The following GPHN variants were observed in gnomAD, a reference collection of about 807,000 sequenced individuals.
GPHN encodes the protein gephyrin.
In GPHN, 17 loss-of-function variants were observed where a neutral mutation model predicts 95.5. That is an observed-to-expected ratio of 0.18 (90% confidence interval 0.12 to 0.27). The LOEUF is 0.27. GPHN is among the 10% of genes least tolerant of loss of function. GPHN has a pLI of 1.00. For missense variants in GPHN, 660 were observed against 978.1 expected (o/e 0.67, Z 4.34); for synonymous variants, 320 against 322.5 (o/e 0.99, Z 0.08).
At chr14:66,784,433 A>G (rs886923485) in intron 3 of GPHN, among the ~76,000 whole-genome samples, 1 of 152,208 alleles carries the variant, frequency 6.6e-6, no homozygotes, top group African/African-American at 2.4e-5. Flanking sequence ...AGGGAAAGGA[A>G]GTAATAGAAA....
At chr14:67,442,185 G>A in the GPHN span, among the ~76,000 whole-genome samples, 54 of 152,090 alleles carry the variant, frequency 3.6e-4, no homozygotes, top group African/African-American at 1.3e-3. Context: ...AGGCATAAGT[G>A]CCTAAGCGCC....
the GPHN span, chr14:67,204,964 G>A: frequency 1.3e-6 from 2 of 1,596,418 alleles, no homozygotes. Context: ...TGTAAGAATT[G>A]TCACAGAAGT....
chr14:67,619,877 C>T, the GPHN span: 3 of 798,838 alleles, frequency 3.8e-6, no homozygotes, highest in Non-Finnish European at 5.6e-6. Context: ...GGCGGGCGGA[C>T]GCTGGCGCGG....
At chr14:66,609,133 T>C (rs2062672750) in intron 1 of GPHN, among the ~76,000 whole-genome samples, 1 of 152,178 alleles carries the variant, frequency 6.6e-6, no homozygotes, top group Admixed American at 6.6e-5. Flanking sequence ...TCTTTTACTT[T>C]CATGTTTAGC....
chr14:66,990,576 C>A (rs981033595), intron 9 of GPHN, among the ~76,000 whole-genome samples: 1 of 152,074 alleles, frequency 6.6e-6, no homozygotes, highest in Admixed American at 6.6e-5. Flanking sequence ...AAAATAATTA[C>A]TATTAGAGTA....
chr14:67,411,853 A>G, the GPHN span, among the ~76,000 whole-genome samples: 1 of 152,012 alleles, frequency 6.6e-6, no homozygotes, highest in Non-Finnish European at 1.5e-5. Context: ...CCCCTCGGAC[A>G]TGCAGCTCTG....
the GPHN span, among the ~76,000 whole-genome samples, chr14:67,305,742 C>G: frequency 6.6e-6 from 1 of 152,176 alleles, no homozygotes; most frequent in African/African-American, 2.4e-5. Context: ...AATTAACTTA[C>G]ACAGATTGTT....
At chr14:67,440,171 T>C in the GPHN span, among the ~76,000 whole-genome samples, 8 of 152,330 alleles carry the variant, frequency 5.3e-5, no homozygotes, top group Non-Finnish European at 7.4e-5. Flanking sequence ...CTGCATTTTC[T>C]TTATTGTGTT....
At chr14:67,590,223 T>A in the GPHN span, 1 of 1,420,230 alleles carries the variant, frequency 7.0e-7, no homozygotes, top group Non-Finnish European at 9.4e-7. Context: ...TATAAGGGAG[T>A]GCAGTGGTGC....
the GPHN span, among the ~76,000 whole-genome samples, chr14:67,310,130 T>G: frequency 6.6e-6 from 1 of 152,094 alleles, no homozygotes; most frequent in African/African-American, 2.4e-5. Flanking sequence ...CATGCCAAGA[T>G]TATAAATTTG....
At chr14:66,605,622 C>A (rs1007028707) in intron 1 of GPHN, among the ~76,000 whole-genome samples, 26 of 151,462 alleles carry the variant, frequency 1.7e-4, no homozygotes, top group African/African-American at 9.7e-5. Flanking sequence ...CTCTGCCCCC[C>A]AGGTTAACAC....
At chr14:67,674,659 C>T in the GPHN span, 3 of 493,382 alleles carry the variant, frequency 6.1e-6, no homozygotes, top group Admixed American at 7.8e-5. Flanking sequence ...GCCGGAACGC[C>T]CACCTTCTCC....
chr14:67,262,000 GTAAC>G, the GPHN span, among the ~76,000 whole-genome samples: 1 of 152,128 alleles, frequency 6.6e-6, no homozygotes, highest in African/African-American at 2.4e-5. Context: ...TTACAGACAT[GTAAC>G]TAACACAGCA....
intron 18 of GPHN, among the ~76,000 whole-genome samples, chr14:67,158,699 T>A (rs10131984): frequency 0.33 from 50,354 of 152,074 alleles, 13,412 homozygotes; most frequent in African/African-American, 0.72. Flanking sequence ...GCTGCAGAGC[T>A]GTGTTATATT....
chr14:67,298,515 C>CAA, the GPHN span, among the ~76,000 whole-genome samples: 42 of 120,720 alleles, frequency 3.5e-4, 1 homozygote, highest in South Asian at 3.3e-3. Flanking sequence ...AACTCCGTCT[C>CAA]AAAAAAAAAA....
intron 9 of GPHN, among the ~76,000 whole-genome samples, chr14:66,978,013 T>C (rs962415490): frequency 3.9e-5 from 6 of 152,250 alleles, no homozygotes; most frequent in African/African-American, 1.4e-4. Flanking sequence ...GGTATCCCAG[T>C]ACCTGTAAAA....
chr14:66,852,332 T>C (rs1305692764), intron 4 of GPHN, among the ~76,000 whole-genome samples: 4 of 152,252 alleles, frequency 2.6e-5, no homozygotes, highest in Non-Finnish European at 5.9e-5. Flanking sequence ...TCACTCATGG[T>C]ACATTTTGCC....
chr14:66,536,873 GT>G (rs61460676), intron 1 of GPHN, among the ~76,000 whole-genome samples: 38,409 of 152,062 alleles, frequency 0.25, 9,769 homozygotes, highest in African/African-American at 0.62. Context: ...TATGACTGTA[GT>G]TTTGTTGACT....
the GPHN span, among the ~76,000 whole-genome samples, chr14:67,379,510 C>T: frequency 6.6e-6 from 1 of 152,048 alleles, no homozygotes; most frequent in Non-Finnish European, 1.5e-5. Context: ...GTTGTCTTCT[C>T]GTTACTTTAT....
Sources: gnomAD v4.1 joint callset for allele counts (sites outside exome capture counted in the v4.1 genomes callset) on GRCh38, gnomAD v4.1.1 for gene constraint, MANE v1.5 for transcripts, NCBI Gene and HGNC (gene_info 2026-07-23, HGNC 2026-07-21) for gene names.